The following GABRB3 variants were observed in gnomAD, a reference collection of about 807,000 sequenced individuals.
The protein encoded by GABRB3 is gamma-aminobutyric acid type A receptor subunit beta3.
Under a neutral mutation model 52.1 loss-of-function variants are expected in GABRB3, and 14 were observed. That is an observed-to-expected ratio of 0.27 (90% CI 0.18 to 0.42). GABRB3 has a LOEUF of 0.42. Ranked by LOEUF, GABRB3 falls within the 10% of genes least tolerant of loss-of-function variation. The probability of loss-of-function intolerance (pLI) is 1.00; values close to 1 mark genes in which losing one functional copy is unlikely to be tolerated. For synonymous variants in GABRB3, 260 were observed against 232.3 expected (o/e 1.12, Z -1.08); for missense variants, 307 against 609.1 (o/e 0.50, Z 5.22).
At position 26,649,261 on chromosome 15, in the gene GABRB3, G is replaced by A. The variant is rs552948323; in HGVS notation, c.241-27727C>T. Among the ~76,000 whole-genome samples, 147 of 152,246 alleles carry A rather than the reference G, an allele frequency of 9.7e-4. 1 individual carries two copies. The highest frequency in any genetic ancestry group is 3.4e-3 in the Middle Eastern group (1 of 292). The stretch of plus-strand genomic sequence containing the variant: ...CCTCACAAAAGGGATTAGTGCCCTT[G>A]TAAAAGGGCTAGAGGGACATGAGAT... On this transcript the variant is annotated intron_variant, in intron 3 of 8. Coordinates refer to ENST00000311550, the MANE Select transcript of GABRB3 (RefSeq NM_000814.6).
chr15:26,588,240 C>A (rs1764228230), intron 4 of GABRB3, among the ~76,000 whole-genome samples: 1 of 152,118 alleles, frequency 6.6e-6, no homozygotes, highest in Non-Finnish European at 1.5e-5. Flanking sequence ...GAGAACTGGA[C>A]AACGTTACAG....
At chr15:26,647,557 T>C (rs1438600547) in intron 3 of GABRB3, among the ~76,000 whole-genome samples, 1 of 152,200 alleles carries the variant, frequency 6.6e-6, no homozygotes, top group Non-Finnish European at 1.5e-5. Flanking sequence ...GTAAATTTGC[T>C]TGTCATAGAA....
intron 7 of GABRB3, among the ~76,000 whole-genome samples, chr15:26,563,118 C>A (rs1890048181): frequency 6.6e-6 from 1 of 152,162 alleles, no homozygotes; most frequent in Non-Finnish European, 1.5e-5. Context: ...GAAGACCGAG[C>A]GCTTTGCTTT....
In GABRB3 at chr15:26,695,815, C is replaced by A. The variant is rs534991930; in HGVS notation, c.241-74281G>T. 2.0e-5 allele frequency among the ~76,000 whole-genome samples: 3 copies of A among 152,302 alleles called. No individual in the cohort carries two copies. In the East Asian group the frequency reaches 5.8e-4, roughly 29 times the overall value. On this transcript the variant is annotated intron_variant, in intron 3 of 8. Coordinates refer to ENST00000311550, the MANE Select transcript of GABRB3 (RefSeq NM_000814.6). ...AAATAAGCAAAACATCCTGGAAGTT[C>A]TTCCCAAATCCTAGAAGCCAAAACA...
chr15:26,687,034 G>A (rs1165068818), intron 3 of GABRB3, among the ~76,000 whole-genome samples: 1 of 152,260 alleles, frequency 6.6e-6, no homozygotes, highest in Non-Finnish European at 1.5e-5. Context: ...GAGGCGCACA[G>A]GGATGGCGAG....
chr15:26,615,505 A>T, intron 4 of GABRB3: 1 of 927,386 alleles, frequency 1.1e-6, no homozygotes, highest in South Asian at 5.0e-5. Context: ...CTCATGATTT[A>T]AAACAACCTT....
chr15:26,593,789 A>T (rs932952455), intron 4 of GABRB3, among the ~76,000 whole-genome samples: 4 of 151,796 alleles, frequency 2.6e-5, no homozygotes, highest in African/African-American at 9.7e-5. Flanking sequence ...TGGCGTAAAA[A>T]TATCTGTTTG....
intron 3 of GABRB3, chr15:26,750,192 G>C (rs1890465524): frequency 1.3e-5 from 2 of 152,188 alleles, no homozygotes; most frequent in Admixed American, 1.3e-4. Context: ...AGTCCATGTT[G>C]CTATACATTA....
intron 3 of GABRB3, among the ~76,000 whole-genome samples, chr15:26,726,956 C>T (rs373883605): frequency 3.2e-4 from 48 of 152,224 alleles, no homozygotes; most frequent in African/African-American, 1.0e-3. Context: ...GTCAGGAGTT[C>T]GAGACCAGCC....
chr15:26,743,383 T>G (rs1265664027), intron 3 of GABRB3, among the ~76,000 whole-genome samples: 1 of 152,194 alleles, frequency 6.6e-6, no homozygotes, highest in Non-Finnish European at 1.5e-5. Flanking sequence ...CCACGAAGGC[T>G]ACATGCCTTG....
intron 4 of GABRB3, among the ~76,000 whole-genome samples, chr15:26,588,601 A>G (rs7166306): frequency 0.027 from 4,169 of 152,246 alleles, 206 homozygotes; most frequent in African/African-American, 0.094. Flanking sequence ...TTAAAGGCCT[A>G]CTCAGGAAAT....
intron 4 of GABRB3, among the ~76,000 whole-genome samples, chr15:26,592,900 AG>A (rs1891258186): frequency 6.6e-6 from 1 of 152,178 alleles, no homozygotes; most frequent in African/African-American, 2.4e-5. Context: ...CTTTAGTCCC[AG>A]CTACTTGGGA....
intron 4 of GABRB3, among the ~76,000 whole-genome samples, chr15:26,586,720 GCGA>G (rs936181888): frequency 7.0e-6 from 1 of 142,338 alleles, no homozygotes; most frequent in African/African-American, 2.6e-5. Context: ...GAGAGAGAAA[GCGA>G]AGAAGGAAAT....
intron 3 of GABRB3, among the ~76,000 whole-genome samples, chr15:26,643,946 A>G (rs1330376298): frequency 2.0e-5 from 3 of 152,170 alleles, no homozygotes; most frequent in Admixed American, 6.5e-5. Context: ...GTGGAATTCA[A>G]TGAGAGAGGC....
chr15:26,663,895 T>G (rs1441031371), intron 3 of GABRB3, among the ~76,000 whole-genome samples: 1 of 152,262 alleles, frequency 6.6e-6, no homozygotes, highest in East Asian at 1.9e-4. Context: ...TTTGTATGAT[T>G]TTTAGTGATT....
chr15:26,745,879 AG>A (rs1890324110), intron 3 of GABRB3, among the ~76,000 whole-genome samples: 1 of 152,170 alleles, frequency 6.6e-6, no homozygotes. Context: ...TTCCAGTTTC[AG>A]GCTATTAAAA....
chr15:26,704,582 T>G (rs993253635), intron 3 of GABRB3, among the ~76,000 whole-genome samples: 28 of 151,398 alleles, frequency 1.8e-4, no homozygotes, highest in African/African-American at 6.8e-4. Flanking sequence ...TAAATCATCT[T>G]TAAATATTTC....
chr15:26,635,220 C>CA (rs35729565), intron 3 of GABRB3, among the ~76,000 whole-genome samples: 61,091 of 150,772 alleles, frequency 0.41, 13,048 homozygotes, highest in Middle Eastern at 0.55. Context: ...AAGGCACCCT[C>CA]ATCTCCATAT....
intron 4 of GABRB3, among the ~76,000 whole-genome samples, chr15:26,595,519 A>G (rs1891366376): frequency 6.6e-6 from 1 of 152,092 alleles, no homozygotes; most frequent in Admixed American, 6.6e-5. Context: ...CCTTAAACTG[A>G]TTTCCAGAGC....
Sources: gnomAD v4.1 joint callset for allele counts (sites outside exome capture counted in the v4.1 genomes callset) on GRCh38, gnomAD v4.1.1 for gene constraint, MANE v1.5 for transcripts, NCBI Gene and HGNC (gene_info 2026-07-23, HGNC 2026-07-21) for gene names.